The following MYO15A variants were observed in gnomAD, a reference collection of about 807,000 sequenced individuals.
The protein encoded by MYO15A is unconventional myosin-XV.
MYO15A carries 308 observed loss-of-function variants against 394.6 expected under a neutral mutation model. The ratio of observed to expected loss-of-function variants is 0.78; its 90% CI spans 0.71 to 0.86. The LOEUF is 0.86. Among genes scored for constraint, MYO15A ranks in the 40% least tolerant of loss-of-function variants. The pLI is 0.00. For missense variants in MYO15A, 4,606 were observed against 4,799.1 expected (o/e 0.96, Z 1.19); for synonymous variants, 1,957 against 2,003.8 (o/e 0.98, Z 0.62).
At chr17:18,125,708 CAAAAAAAA>C in intron 4 of MYO15A, 2 of 57,386 alleles carry the variant, frequency 3.5e-5, no homozygotes, top group Non-Finnish European at 5.8e-5. Context: ...GACTCCATCT[CAAAAAAAA>C]AAAAAAAAAA....
In MYO15A at chr17:18,121,905, C is replaced by A. The variant is rs1197511439; in HGVS notation, c.3105C>A (p.Pro1035=). The A allele has an allele frequency of 6.2e-7, 1 of 1,613,276 alleles. No individual in the cohort carries two copies. The highest frequency in any genetic ancestry group is 1.7e-5 in the Admixed American group (1 of 60,028). Residue 1035 remains proline (P), a synonymous_variant, in exon 2 of 66, where the codon CCC becomes CCA. Coordinates refer to ENST00000647165, the MANE Select transcript of MYO15A (RefSeq NM_016239.4). This position sits in a 1 kb window ranked among gnomAD's most constrained non-coding sequence, Gnocchi z 5.3. The stretch of plus-strand genomic sequence containing the variant: ...CCAAGCCTCCAACCCCAGCACCTCC[C>A]AAGGATGTCACTCCCCCCAAGGATA... The part of the protein sequence containing the change: ...AETKPPTPAP[P]KDVTPPKDIT...
Position 18,138,920 on chromosome 17 carries a change from G to T in MYO15A, c.5117G>T (p.Gly1706Val), listed in dbSNP as rs1567641863. The T allele has an allele frequency of 6.2e-7, 1 of 1,612,576 alleles. No homozygotes were observed. The highest frequency in any genetic ancestry group is 1.1e-5 in the South Asian group (1 of 90,748). The change falls in exon 18 of 66, where the codon GGC becomes GTC. Residue 1706 changes from glycine (G) to valine (V), a missense_variant. This residue lies in a region of MYO15A where 2,776 missense variants were observed against 3,109.3 expected (regional missense o/e 0.89). Transcript: ENST00000647165. ...GAGTTCACCATCAAGCACTATGCAG[G>T]CAAGGTCACCTACCAGGTGAGCCCT... ...LPEFTIKHYA[G>V]KVTYQVHKFL...
chr17:18,163,879 TC>T (rs1410118525), intron 60 of MYO15A, 41 bp downstream of exon 60: 1 of 1,590,458 alleles, frequency 6.3e-7, no homozygotes, highest in Non-Finnish European at 8.6e-7. Context: ...CCCATTCCCA[TC>T]CCCGGGCCTT....
At chr17:18,118,489 C>G in intron 1 of MYO15A, 93 bp from the exon 2 acceptor site, 2 of 437,430 alleles carry the variant, frequency 4.6e-6, no homozygotes, top group Admixed American at 7.4e-5. Flanking sequence ...CATGACGACT[C>G]CGAGGCCAGA....
chr17:18,138,982 C>T, intron 18 of MYO15A, 46 bp downstream of exon 18: 1 of 1,591,430 alleles, frequency 6.3e-7, no homozygotes, highest in South Asian at 1.1e-5. Context: ...TGCAGTGCTG[C>T]TAGCTGTTGG....
chr17:18,145,471 T>C (rs2142353079), intron 29 of MYO15A, among the ~76,000 whole-genome samples: 1 of 152,298 alleles, frequency 6.6e-6, no homozygotes, highest in Admixed American at 6.5e-5. Flanking sequence ...CCCAGCACTT[T>C]GGGAGGCCAA....
chr17:18,152,067 G>C, intron 41 of MYO15A, 45 bp from the exon 42 acceptor site: 1 of 1,549,656 alleles, frequency 6.5e-7, no homozygotes, highest in Non-Finnish European at 8.7e-7. Flanking sequence ...CCCCTCCACA[G>C]GGCCTGCCTG....
chr17:18,141,146 A>G lies in MYO15A; in HGVS notation c.5531+3A>G, dbSNP rs1163169410. 1 of 1,613,530 alleles carries G rather than the reference A, an allele frequency of 6.2e-7. No individual in the cohort carries two copies. On this transcript the variant is annotated splice_donor_region_variant and intron_variant, in intron 22 of 65. Coordinates refer to ENST00000647165, the MANE Select transcript of MYO15A (RefSeq NM_016239.4). Reference sequence around the variant, plus strand: ...CCTTTCCAGGGGTTCATCGACAGGTATCTTGGTTACGGTAGTTCCTGAGCT... The same window carrying G: ...CCTTTCCAGGGGTTCATCGACAGGTGTCTTGGTTACGGTAGTTCCTGAGCT...
At chr17:18,141,606 C>T in intron 22 of MYO15A, 47 bp from the exon 23 acceptor site, 1 of 1,567,838 alleles carries the variant, frequency 6.4e-7, no homozygotes, top group East Asian at 2.2e-5. Flanking sequence ...TAGCAGACAC[C>T]TCGGGTAGGT....
chr17:18,133,480 A>T, intron 12 of MYO15A, 94 bp downstream of exon 12: 1 of 1,485,248 alleles, frequency 6.7e-7, no homozygotes, highest in South Asian at 1.2e-5. Flanking sequence ...AGATTACACT[A>T]TGCACATATC....
intron 42 of MYO15A, among the ~76,000 whole-genome samples, chr17:18,152,589 G>A (rs74361457): frequency 0.036 from 5,232 of 146,030 alleles, 109 homozygotes; most frequent in Non-Finnish European, 0.051. Context: ...GATCTTAACA[G>A]CTATAAAGCA....
rs1491110483 is a variant in MYO15A, at chr17:18,130,815, TCA to T, written c.4038+6_4038+7del. The T allele has an allele frequency of 1.9e-5, 30 of 1,600,816 alleles. No individual in the cohort carries two copies. The African/African-American group carries it at 3.6e-4, about 19-fold the overall frequency. ...TGGACGCTCTTGAAGATAAAGGTAC[TCA>T]GTGTGTGTGTGTGTGTGTGTGTGTG... is the stretch of plus-strand genomic sequence containing the variant. On this transcript the variant is annotated splice_donor_region_variant and intron_variant, in intron 8 of 65. Transcript: ENST00000647165.
intron 13 of MYO15A, 95 bp from the exon 14 acceptor site, chr17:18,136,322 C>A (rs535630661): frequency 6.8e-7 from 1 of 1,465,772 alleles, no homozygotes; most frequent in East Asian, 2.3e-5. Context: ...CCTCCAGCCT[C>A]CCTTCTCCAT....
chr17:18,130,672 C>A, intron 7 of MYO15A, 133 bp from the exon 8 acceptor site: 1 of 1,491,138 alleles, frequency 6.7e-7, no homozygotes, highest in Non-Finnish European at 9.2e-7. Flanking sequence ...GGTCTCTGAG[C>A]CTCACAGGTT....
chr17:18,167,145 A>G (rs1213422070), intron 61 of MYO15A, among the ~76,000 whole-genome samples: 2 of 152,120 alleles, frequency 1.3e-5, no homozygotes, highest in Non-Finnish European at 2.9e-5. Flanking sequence ...ATGCTACTCA[A>G]CCTGAGGCTT....
In MYO15A at chr17:18,119,739, AC is replaced by A. The variant is rs2045871886; in HGVS notation, c.944del (p.Pro315HisfsTer129). 1.2e-6 allele frequency: 2 copies of A among 1,612,432 alleles called. No individual in the cohort carries two copies. The highest frequency in any genetic ancestry group is 1.7e-6 in the Non-Finnish European group (2 of 1,179,942). On this transcript the variant is annotated frameshift_variant, in exon 2 of 66. Coordinates refer to ENST00000647165, the MANE Select transcript of MYO15A (RefSeq NM_016239.4). LOFTEE classifies it high-confidence loss of function. The part of the protein sequence containing the change: ...TYGYGYDDYE[P>X]PYAPPSGYSS... Reference sequence around the variant, plus strand: ...ACGGCTACGGCTACGACGATTACGAACCCCCATATGCGCCCCCGTCGGGGTA... The same window carrying A: ...ACGGCTACGGCTACGACGATTACGAACCCCATATGCGCCCCCGTCGGGGTA...
Position 18,118,941 on chromosome 17 carries a change from C to A in MYO15A, c.141C>A (p.Ile47=), listed in dbSNP as rs549511151. ...GCTTCCGCGACCGTACACCCAAGATCTCCAAGAAGGGCCAGTTCCGCAGCG... is the reference window on the plus strand; with the variant it reads ...GCTTCCGCGACCGTACACCCAAGATATCCAAGAAGGGCCAGTTCCGCAGCG... ...FMGFRDRTPK[I]SKKGQFRSAS... Residue 47 remains isoleucine, a synonymous_variant, in exon 2 of 66, where the codon ATC becomes ATA. Transcript: ENST00000647165. 5 of 1,613,728 alleles carry A rather than the reference C, an allele frequency of 3.1e-6. No individual in the cohort carries two copies. In the African/African-American group the frequency reaches 5.3e-5, roughly 17 times the overall value.
At chr17:18,144,367 C>T in intron 28 of MYO15A, 130 bp from the exon 29 acceptor site, 1 of 888,086 alleles carries the variant, frequency 1.1e-6, no homozygotes, top group Middle Eastern at 2.6e-4. Flanking sequence ...GCCTCAGTTT[C>T]CCCATCCATA....
chr17:18,133,220 T>C lies in MYO15A; in HGVS notation c.4321-5T>C. 1 of 1,613,958 alleles carries C rather than the reference T, an allele frequency of 6.2e-7. No individual in the cohort carries two copies. Among genetic ancestry groups the C allele is most frequent in the South Asian group, 1.1e-5 (1 of 91,048 alleles). On this transcript the variant is annotated splice_polypyrimidine_tract_variant and splice_region_variant and intron_variant, in intron 11 of 65. Coordinates refer to ENST00000647165, the MANE Select transcript of MYO15A (RefSeq NM_016239.4). ...CCCTGACCCTCAGCCTCTGCCCTCATGCAGGGTGGGAACTGTGAGATAGCA... is the reference window on the plus strand; with the variant it reads ...CCCTGACCCTCAGCCTCTGCCCTCACGCAGGGTGGGAACTGTGAGATAGCA...
Sources: gnomAD v4.1 joint callset for allele counts (sites outside exome capture counted in the v4.1 genomes callset) on GRCh38, gnomAD v4.1.1 for gene constraint, gnomAD v4.1.1 regional missense constraint, Gnocchi (gnomAD v3.1) non-coding constraint, MANE v1.5 for transcripts, NCBI Gene and HGNC (gene_info 2026-07-23, HGNC 2026-07-21) for gene names.